Variants in MAML2 observed in about 807,000 individuals in gnomAD.
The protein encoded by MAML2 is mastermind like transcriptional coactivator 2, also known as mastermind-like protein 2.
A neutral mutation model predicts 96.1 loss-of-function variants in MAML2; 22 were observed. The ratio of observed to expected loss-of-function variants is 0.23; its 90% confidence interval spans 0.16 to 0.33. The LOEUF is 0.33. MAML2 is among the 10% of genes least tolerant of loss of function. The pLI, the probability that MAML2 is intolerant of heterozygous loss-of-function variation, is 1.00. For missense variants in MAML2, 1,367 were observed against 1,392.4 expected (o/e 0.98, Z 0.29); for synonymous variants, 561 against 521.3 (o/e 1.08, Z -1.04).
At chr11:96,166,514 C>G (rs1267268537) in intron 1 of MAML2, among the ~76,000 whole-genome samples, 32 of 152,126 alleles carry the variant, frequency 2.1e-4, no homozygotes, top group Admixed American at 2.1e-3. Flanking sequence ...GAAAGAGGAC[C>G]CAACCAGACA....
chr11:96,302,229 T>A (rs981760866), intron 1 of MAML2, among the ~76,000 whole-genome samples: 4 of 150,686 alleles, frequency 2.7e-5, no homozygotes, highest in Non-Finnish European at 1.5e-5. Flanking sequence ...AGAATGTTTC[T>A]ATCTCTATCC....
chr11:96,134,606 C>G lies in MAML2; in HGVS notation c.514-41089G>C, dbSNP rs971283494. On this transcript the variant is annotated intron_variant, in intron 1 of 4. Transcript: ENST00000524717. The stretch of plus-strand genomic sequence containing the variant: ...GCTGTATGTAAATTAGTCTATACTT[C>G]TTTCCTTCAAATTCTATTCAACATG... Among the ~76,000 whole-genome samples, 5 of 152,168 alleles carry G rather than the reference C, an allele frequency of 3.3e-5. No individual in the cohort carries two copies. The South Asian group carries it at 1.0e-3, about 31-fold the overall frequency.
At chr11:96,038,915 T>G (rs954509355) in intron 2 of MAML2, among the ~76,000 whole-genome samples, 1 of 152,210 alleles carries the variant, frequency 6.6e-6, no homozygotes, top group Non-Finnish European at 1.5e-5. Flanking sequence ...AGTAGGTGCT[T>G]AATAATACTT....
chr11:96,041,772 C>T (rs185685973), intron 2 of MAML2, among the ~76,000 whole-genome samples: 6 of 151,950 alleles, frequency 3.9e-5, no homozygotes, highest in Admixed American at 2.0e-4. Flanking sequence ...TCCTTTCTCC[C>T]AGTTTCCATT....
At chr11:96,007,655 T>C (rs74704225) in intron 2 of MAML2, among the ~76,000 whole-genome samples, 2,962 of 151,904 alleles carry the variant, frequency 0.019, 92 homozygotes, top group African/African-American at 0.068. Context: ...TAAGTATATA[T>C]TTGTTGTTAA....
chr11:96,283,883 A>G (rs1328207359), intron 1 of MAML2, among the ~76,000 whole-genome samples: 1 of 152,176 alleles, frequency 6.6e-6, no homozygotes, highest in East Asian at 1.9e-4. Flanking sequence ...CTAATGGACG[A>G]CTTTCTTCTA....
At chr11:96,130,866 C>T (rs1317473646) in intron 1 of MAML2, among the ~76,000 whole-genome samples, 1 of 151,596 alleles carries the variant, frequency 6.6e-6, no homozygotes, top group Admixed American at 6.6e-5. Context: ...TGTCCTACAC[C>T]AATTGTCTAG....
chr11:96,159,571 G>A (rs367745107), intron 1 of MAML2, among the ~76,000 whole-genome samples: 7 of 151,880 alleles, frequency 4.6e-5, no homozygotes, highest in African/African-American at 1.7e-4. Flanking sequence ...GACTACAGGC[G>A]CCCGCCACCA....
intron 1 of MAML2, among the ~76,000 whole-genome samples, chr11:96,116,473 G>A (rs568241715): frequency 6.6e-6 from 1 of 152,266 alleles, no homozygotes; most frequent in South Asian, 2.1e-4. Context: ...CCTGTAGCAC[G>A]ATGTACCTTT....
At chr11:96,327,776 T>TATATCTAACAA (rs1863804810) in intron 1 of MAML2, among the ~76,000 whole-genome samples, 2 of 152,104 alleles carry the variant, frequency 1.3e-5, no homozygotes, top group South Asian at 4.1e-4. Flanking sequence ...AAGGCACTCA[T>TATATCTAACAA]GTAACCAACT....
intron 2 of MAML2, among the ~76,000 whole-genome samples, chr11:96,021,016 T>C (rs1858427038): frequency 6.6e-6 from 1 of 152,200 alleles, no homozygotes; most frequent in African/African-American, 2.4e-5. Flanking sequence ...ATTTCTTCCC[T>C]TTTTTTCTTT....
At chr11:96,286,200 T>C (rs1863137265) in intron 1 of MAML2, among the ~76,000 whole-genome samples, 1 of 152,194 alleles carries the variant, frequency 6.6e-6, no homozygotes, top group Non-Finnish European at 1.5e-5. Context: ...TGGAAGCTGT[T>C]ATCCTCAGCA....
chr11:96,315,199 T>C (rs548980979), intron 1 of MAML2, among the ~76,000 whole-genome samples: 2 of 143,484 alleles, frequency 1.4e-5, no homozygotes, highest in South Asian at 2.2e-4. Flanking sequence ...ATGGTCCTAA[T>C]GTAGATGGAA....
chr11:96,108,566 T>C (rs191841358), intron 1 of MAML2, among the ~76,000 whole-genome samples: 20 of 152,286 alleles, frequency 1.3e-4, no homozygotes, highest in African/African-American at 4.8e-4. Context: ...ATTATCCTTA[T>C]AGGGCTGCGG....
chr11:96,285,007 T>C (rs576547510), intron 1 of MAML2, among the ~76,000 whole-genome samples: 2 of 152,344 alleles, frequency 1.3e-5, no homozygotes, highest in East Asian at 3.9e-4. Context: ...TATGCAACCA[T>C]ATCTCTTGCC....
rs772487876 is a variant in MAML2 at position 95,991,584 on chromosome 11, A to T, written c.2279T>A (p.Leu760Gln). The T allele has an allele frequency of 6.2e-7, 1 of 1,613,816 alleles. No homozygotes were observed. Among genetic ancestry groups the T allele is most frequent in the South Asian group, 1.1e-5 (1 of 91,080 alleles). The part of the protein sequence containing the change: ...NQQLMGKKQT[L>Q]QRQIMEQKQQ... ...TTTCTGCTCCATGATCTGCCTCTGT[A>T]GAGTCTGCTTCTTTCCCATCAATTG... is the stretch of plus-strand genomic sequence containing the variant. The change falls in exon 3 of 5, where the codon CTA becomes CAA. Residue 760 changes from leucine (L) to glutamine (Q), a missense_variant. Leu to Gln is a moderately radical substitution (Grantham distance 113). Transcript: ENST00000524717.
intron 1 of MAML2, among the ~76,000 whole-genome samples, chr11:96,189,797 T>C (rs1188650769): frequency 6.6e-6 from 1 of 152,176 alleles, no homozygotes; most frequent in East Asian, 1.9e-4. Flanking sequence ...AAAGAATCCA[T>C]CACAAGAGGA....
intron 1 of MAML2, among the ~76,000 whole-genome samples, chr11:96,159,832 G>A (rs1861076852): frequency 6.6e-6 from 1 of 152,130 alleles, no homozygotes; most frequent in African/African-American, 2.4e-5. Context: ...AATTTGCATT[G>A]CTATTAAGTT....
chr11:96,056,346 G>T (rs1590985469), intron 2 of MAML2, among the ~76,000 whole-genome samples: 1 of 146,306 alleles, frequency 6.8e-6, no homozygotes, highest in East Asian at 2.1e-4. Context: ...GAATCCTTTG[G>T]GTCACATGTT....
Sources: gnomAD v4.1 joint callset for allele counts (sites outside exome capture counted in the v4.1 genomes callset) on GRCh38, gnomAD v4.1.1 for gene constraint, MANE v1.5 for transcripts, NCBI Gene and HGNC (gene_info 2026-07-23, HGNC 2026-07-21) for gene names.